ATP6V1E2: variants seen among roughly 807,000 people sequenced by gnomAD.
The protein encoded by ATP6V1E2 is ATPase H+ transporting V1 subunit E2.
For missense variants in ATP6V1E2, 308 were observed against 273.3 expected, an observed-to-expected ratio of 1.13 and a Z score of -0.90; for synonymous variants, 121 against 104.2, an observed-to-expected ratio of 1.16 and a Z score of -0.98.
chr2:46,512,943 G>A (rs1258121889), intron 4 of ATP6V1E2, 131 bp from the exon 5 acceptor site: 1 of 477,346 alleles, frequency 2.1e-6, no homozygotes, highest in Non-Finnish European at 3.7e-6. Context: ...ATTTATCTAA[G>A]GTTATACTCT....
chr2:46,533,974 TTC>T (rs1051655194), intron 4 of ATP6V1E2, among the ~76,000 whole-genome samples: 5 of 152,202 alleles, frequency 3.3e-5, no homozygotes, highest in African/African-American at 1.2e-4. Context: ...GTGTCTTTTT[TTC>T]TCTTTCTGCT....
intron 4 of ATP6V1E2, among the ~76,000 whole-genome samples, chr2:46,523,586 C>T (rs1406925995): frequency 2.0e-5 from 3 of 152,100 alleles, no homozygotes; most frequent in Non-Finnish European, 2.9e-5. Flanking sequence ...CTCCATTGGC[C>T]TATATGTCTG....
intron 4 of ATP6V1E2, chr2:46,534,660 T>TA (rs1314238809): frequency 6.6e-6 from 1 of 152,252 alleles, no homozygotes; most frequent in Non-Finnish European, 1.5e-5. Context: ...GGCTGGCAGT[T>TA]ACGGTAGTAG....
At chr2:46,514,932 T>C (rs1017863349) in intron 4 of ATP6V1E2, among the ~76,000 whole-genome samples, 4 of 152,012 alleles carry the variant, frequency 2.6e-5, no homozygotes, top group Non-Finnish European at 4.4e-5. Context: ...AGACTAACAG[T>C]GGATTTCTCA....
At chr2:46,517,177 C>T (rs1687750771) in intron 4 of ATP6V1E2, among the ~76,000 whole-genome samples, 2 of 152,058 alleles carry the variant, frequency 1.3e-5, no homozygotes, top group Admixed American at 6.6e-5. Context: ...CAGAAATAAA[C>T]CCCACATTTA....
chr2:46,530,987 A>T lies in ATP6V1E2; in HGVS notation c.-102+4826T>A, dbSNP rs1366581498. Among the ~76,000 whole-genome samples, 2 of 152,210 alleles carry T rather than the reference A, an allele frequency of 1.3e-5. No individual in the cohort carries two copies. Among genetic ancestry groups the T allele is most frequent in the Non-Finnish European group, 2.9e-5 (2 of 68,040 alleles). On this transcript the variant is annotated intron_variant, in intron 4 of 4. Transcript: ENST00000522587. This position sits in a 1 kb window ranked among gnomAD's most constrained non-coding sequence, Gnocchi z 5.2. Reference sequence around the variant, plus strand: ...TGAGATTTGGGTGAGGACACAGCCAAACCATATTACCTGACTTTTTTTCTC... The same window carrying T: ...TGAGATTTGGGTGAGGACACAGCCATACCATATTACCTGACTTTTTTTCTC...
intron 4 of ATP6V1E2, among the ~76,000 whole-genome samples, chr2:46,521,045 A>T (rs1666598327): frequency 6.6e-6 from 1 of 152,170 alleles, no homozygotes; most frequent in Non-Finnish European, 1.5e-5. Flanking sequence ...GACATTTCCA[A>T]ACTGGTGATT....
intron 2 of ATP6V1E2, among the ~76,000 whole-genome samples, chr2:46,539,240 C>T (rs1192616551): frequency 6.6e-6 from 1 of 152,198 alleles, no homozygotes; most frequent in Admixed American, 6.5e-5. Context: ...ATACCCGGGA[C>T]CATAACTGGA....
chr2:46,513,851 T>C (rs1319249100), intron 4 of ATP6V1E2, among the ~76,000 whole-genome samples: 1 of 152,124 alleles, frequency 6.6e-6, no homozygotes, highest in Admixed American at 6.5e-5. Context: ...CAAAACACGT[T>C]ATATTCTTTA....
intron 4 of ATP6V1E2, among the ~76,000 whole-genome samples, chr2:46,533,712 C>T (rs1667303862): frequency 6.6e-6 from 1 of 152,036 alleles, no homozygotes; most frequent in Admixed American, 6.5e-5. Flanking sequence ...TTTTCTGCCT[C>T]GGGAACTTTA....
At chr2:46,523,761 C>A (rs569729342) in intron 4 of ATP6V1E2, among the ~76,000 whole-genome samples, 25 of 151,812 alleles carry the variant, frequency 1.6e-4, no homozygotes, top group African/African-American at 5.8e-4. Flanking sequence ...TTTTTTAATT[C>A]TGTGAAGAAT....
rs1667416812 is a variant in ATP6V1E2, at chr2:46,535,825, T to C, written c.-114A>G. 1 of 152,266 alleles carries C rather than the reference T, an allele frequency of 6.6e-6. No individual in the cohort carries two copies. The highest frequency in any genetic ancestry group is 1.5e-5 in the Non-Finnish European group (1 of 68,050). The allele number at this position is 152,266 out of a possible 1,614,324, so 9.4% of individuals were successfully genotyped here. A position where few individuals can be genotyped will look rare whatever the true frequency, so the allele number is the denominator to read the frequency against. On this transcript the variant is annotated 5_prime_UTR_variant, in exon 4 of 5. Coordinates refer to ENST00000522587, the MANE Select transcript of ATP6V1E2 (RefSeq NM_001318063.2). The surrounding 1 kb of genome is among the most constrained non-coding windows in gnomAD (Gnocchi z 4.4). Reference sequence around the variant, plus strand: ...CACCAAGGCTCACCATGTAGAAGATTCTTCAAACCCAAAATGTGGTTCTGA... The same window carrying C: ...CACCAAGGCTCACCATGTAGAAGATCCTTCAAACCCAAAATGTGGTTCTGA...
At chr2:46,521,198 T>C (rs1375538940) in intron 4 of ATP6V1E2, among the ~76,000 whole-genome samples, 1 of 152,192 alleles carries the variant, frequency 6.6e-6, no homozygotes, top group African/African-American at 2.4e-5. Flanking sequence ...GGCCATGGGC[T>C]ACCATGCCTG....
At chr2:46,529,693 C>T (rs1217717983) in intron 4 of ATP6V1E2, among the ~76,000 whole-genome samples, 1 of 152,130 alleles carries the variant, frequency 6.6e-6, no homozygotes, top group Non-Finnish European at 1.5e-5. Flanking sequence ...GCATTTGAGG[C>T]TGCAGTGAGC....
At chr2:46,536,244 G>C (rs535636175) in intron 3 of ATP6V1E2, among the ~76,000 whole-genome samples, 8 of 152,318 alleles carry the variant, frequency 5.3e-5, no homozygotes, top group East Asian at 1.9e-4. Flanking sequence ...ACTAGAAAAA[G>C]AGATCTATGT....
chr2:46,538,759 C>T (rs1572722724), intron 2 of ATP6V1E2, among the ~76,000 whole-genome samples: 1 of 152,080 alleles, frequency 6.6e-6, no homozygotes, highest in South Asian at 2.1e-4. Context: ...AGGCTCACAT[C>T]GCTCAGTTTA....
At chr2:46,521,019 T>A (rs991950435) in intron 4 of ATP6V1E2, among the ~76,000 whole-genome samples, 1 of 152,244 alleles carries the variant, frequency 6.6e-6, no homozygotes, top group South Asian at 2.1e-4. Context: ...CCTCTCCATA[T>A]GACCTTTGGG....
At chr2:46,514,345 C>T (rs1687618163) in intron 4 of ATP6V1E2, among the ~76,000 whole-genome samples, 2 of 151,986 alleles carry the variant, frequency 1.3e-5, no homozygotes, top group Admixed American at 1.3e-4. Flanking sequence ...CCCAACCCTA[C>T]ACCTACTGAA....
At position 46,511,925 on chromosome 2, in the gene ATP6V1E2, C is replaced by G. The variant is rs1308792573; in HGVS notation, c.*106G>C. 2.0e-6 allele frequency: 2 copies of G among 998,924 alleles called. No homozygotes were observed. Among genetic ancestry groups the G allele is most frequent in the African/African-American group, 1.6e-5 (1 of 61,062 alleles). 61.9% of individuals were successfully genotyped at this position (998,924 alleles called of 1,614,324 possible). The stretch of plus-strand genomic sequence containing the variant: ...GGGTATTTCGTGAAGAAAAACAGAA[C>G]AGTATCAGAGCATCAAAGAGGAGGA... On this transcript the variant is annotated 3_prime_UTR_variant, in exon 5 of 5. Coordinates refer to ENST00000522587, the MANE Select transcript of ATP6V1E2 (RefSeq NM_001318063.2).
Sources: allele counts gnomAD v4.1 joint callset (sites outside exome capture counted in the v4.1 genomes callset), GRCh38; gene constraint gnomAD v4.1.1; non-coding constraint Gnocchi (gnomAD v3.1); transcripts MANE v1.5; gene names NCBI Gene and HGNC (gene_info 2026-07-23, HGNC 2026-07-21).